Variants in KRI1 observed in about 807,000 individuals in gnomAD.
The protein encoded by KRI1 is protein KRI1 homolog.
A neutral mutation model predicts 97.0 loss-of-function variants in KRI1; 83 were observed. That is an observed-to-expected ratio of 0.86 (90% CI 0.72 to 1.03). The LOEUF (loss-of-function observed/expected upper bound fraction) is 1.03, where lower values mean the gene tolerates loss of function less well. Ranked by LOEUF, KRI1 falls within the 50% of genes least tolerant of loss-of-function variation. KRI1 has a pLI of 0.00. For missense variants in KRI1, 916 were observed against 928.4 expected, an observed-to-expected ratio of 0.99 and a Z score of 0.17; for synonymous variants, 371 against 363.5, an observed-to-expected ratio of 1.02 and a Z score of -0.23.
chr19:10,560,952 G>T, intron 8 of KRI1, 51 bp downstream of exon 8: 1 of 1,377,848 alleles, frequency 7.3e-7, no homozygotes, highest in South Asian at 1.2e-5. Flanking sequence ...TAGGTTGGAT[G>T]GACGCGGAAC....
chr19:10,564,800 T>G, intron 3 of KRI1, 129 bp downstream of exon 3: 2 of 732,858 alleles, frequency 2.7e-6, no homozygotes, highest in Non-Finnish European at 4.9e-6. Flanking sequence ...GATGCTACCG[T>G]TAGATATACT....
chr19:10,565,811 G>GAC, intron 1 of KRI1, 21 bp from the exon 2 acceptor site: 2 of 1,521,398 alleles, frequency 1.3e-6, no homozygotes, highest in Non-Finnish European at 1.8e-6. Context: ...CAGACGGGAT[G>GAC]CCCCCCCCCA....
intron 3 of KRI1, 29 bp from the exon 4 acceptor site, chr19:10,562,866 C>G: frequency 7.5e-7 from 1 of 1,333,162 alleles, no homozygotes; most frequent in Non-Finnish European, 1.1e-6. Context: ...CACCTGCCAT[C>G]ACCCACAACC....
chr19:10,561,565 G>A, intron 6 of KRI1, 102 bp downstream of exon 6: 1 of 1,141,206 alleles, frequency 8.8e-7, no homozygotes. Flanking sequence ...TGAGGAAACT[G>A]AAGCACATAG....
intron 16 of KRI1, among the ~76,000 whole-genome samples, chr19:10,557,154 G>A (rs1916527398): frequency 6.7e-6 from 1 of 150,160 alleles, no homozygotes; most frequent in South Asian, 2.1e-4. Context: ...ACCTAGGCTG[G>A]AGTGCAGTGG....
At chr19:10,554,632 A>T (rs774762784) in intron 18 of KRI1, among the ~76,000 whole-genome samples, 2 of 152,056 alleles carry the variant, frequency 1.3e-5, no homozygotes, top group Non-Finnish European at 2.9e-5. Flanking sequence ...TGCAGCCTCC[A>T]ACTCCTGGGC....
At chr19:10,554,654 T>C (rs550606434) in intron 18 of KRI1, among the ~76,000 whole-genome samples, 46 of 152,232 alleles carry the variant, frequency 3.0e-4, no homozygotes, top group African/African-American at 1.1e-3. Flanking sequence ...CAAGCGATCT[T>C]CTCGCTTGAG....
intron 9 of KRI1, 119 bp from the exon 10 acceptor site, chr19:10,560,055 G>A (rs750964793): frequency 4.6e-6 from 6 of 1,300,672 alleles, no homozygotes; most frequent in Admixed American, 4.9e-5. Context: ...ACCCTACAAG[G>A]TGCACGCTGC....
Position 10,553,249 on chromosome 19 carries a change from C to T in KRI1, c.*702G>A. The T allele has an allele frequency of 2.6e-6, 2 of 768,768 alleles. No individual in the cohort carries two copies. Among genetic ancestry groups the T allele is most frequent in the Non-Finnish European group, 3.9e-6 (2 of 511,732 alleles). 47.6% of individuals were successfully genotyped at this position (768,768 alleles called of 1,614,324 possible). On this transcript the variant is annotated 3_prime_UTR_variant, in exon 19 of 19. Coordinates refer to ENST00000312962, the MANE Select transcript of KRI1 (RefSeq NM_023008.5). ...GAGCCCACAGAGCCCATACACCTGTCTCCCACCAGCGGGGCCCTCCTGGCA... is the reference window on the plus strand; with the variant it reads ...GAGCCCACAGAGCCCATACACCTGTTTCCCACCAGCGGGGCCCTCCTGGCA...
At position 10,553,622 on chromosome 19, in the gene KRI1, C is replaced by G; in HGVS notation, c.*329G>C. The stretch of plus-strand genomic sequence containing the variant: ...ACAGGGTCTTGCTTTGTTGCCCAGG[C>G]TGGAGTGCAGTGGTGCAATCATAGC... On this transcript the variant is annotated 3_prime_UTR_variant, in exon 19 of 19. Coordinates refer to ENST00000312962, the MANE Select transcript of KRI1 (RefSeq NM_023008.5). 1 of 241,860 alleles carries G rather than the reference C, an allele frequency of 4.1e-6. No individual in the cohort carries two copies. Among genetic ancestry groups the G allele is most frequent in the African/African-American group, 2.3e-5 (1 of 43,944 alleles). 15.0% of individuals were successfully genotyped at this position (241,860 alleles called of 1,614,324 possible). A position where few individuals can be genotyped will look rare whatever the true frequency, so the allele number is the denominator to read the frequency against.
In KRI1 at chr19:10,557,663, C is replaced by T. The variant is rs895149985; in HGVS notation, c.1506G>A (p.Glu502=). 1 of 1,614,192 alleles carries T rather than the reference C, an allele frequency of 6.2e-7. No homozygotes were observed. Among genetic ancestry groups the T allele is most frequent in the East Asian group, 2.2e-5 (1 of 44,884 alleles). Reference sequence around the variant, plus strand: ...CCAGCCGGTAATACTCATCCAGGTACTCCTCGAACGTCTTGTCCCCTGCTC... The same window carrying T: ...CCAGCCGGTAATACTCATCCAGGTATTCCTCGAACGTCTTGTCCCCTGCTC... ...VFEPGDKTFE[E]YLDEYYRLDY... Residue 502 remains glutamate, a synonymous_variant, in exon 16 of 19, where the codon GAG becomes GAA. Transcript: ENST00000312962.
chr19:10,565,812 C>CCT lies in KRI1; in HGVS notation c.95-23_95-22insAG, dbSNP rs1555750198. 3.9e-6 allele frequency: 5 copies of CCT among 1,276,478 alleles called. No individual in the cohort carries two copies. In the South Asian group the frequency reaches 6.5e-5, roughly 17 times the overall value. 79.1% of individuals were successfully genotyped at this position (1,276,478 alleles called of 1,614,324 possible). A position where few individuals can be genotyped will look rare whatever the true frequency, so the allele number is the denominator to read the frequency against. On this transcript the variant is annotated intron_variant, in intron 1 of 18. Transcript: ENST00000312962. ...TTCACTGCGGGACACAGACGGGATGCCCCCCCCCAGGTCAGCCGGCGGGGC... is the reference window on the plus strand; with the variant it reads ...TTCACTGCGGGACACAGACGGGATGCCTCCCCCCCCAGGTCAGCCGGCGGGGC...
chr19:10,556,797 GC>G (rs915811806), intron 16 of KRI1, among the ~76,000 whole-genome samples: 17 of 151,570 alleles, frequency 1.1e-4, no homozygotes, highest in African/African-American at 3.9e-4. Flanking sequence ...TTCGAGACCA[GC>G]CTGCACAACA....
rs748347964 is a variant in KRI1, at chr19:10,559,935, C to A, written c.802G>T (p.Val268Phe). ...DEEEMEEEEG[V>F]HGPPVQLAVD... ...GCCAGCTGGACTGGGGGACCGTGGA[C>A]CCTGAGGGGCAAGATGTGGTGATGC... The change falls in exon 10 of 19, where the codon GTC becomes TTC. Residue 268 changes from valine (V) to phenylalanine (F), a missense_variant and splice_region_variant. Val to Phe is a conservative substitution (Grantham distance 50, BLOSUM62 -1). Around this residue, in one of 3 missense-constraint regions of KRI1, gnomAD observed 672 missense variants for 667.2 expected, o/e 1.01. Coordinates refer to ENST00000312962, the MANE Select transcript of KRI1 (RefSeq NM_023008.5). 1.2e-6 allele frequency: 2 copies of A among 1,610,508 alleles called. No individual in the cohort carries two copies. Among genetic ancestry groups the A allele is most frequent in the Admixed American group, 1.7e-5 (1 of 59,992 alleles).
In KRI1 at chr19:10,564,962, A is replaced by T; in HGVS notation, c.241T>A (p.Tyr81Asn). 6.8e-6 allele frequency: 11 copies of T among 1,613,786 alleles called. No homozygotes were observed. Among genetic ancestry groups the T allele is most frequent in the Non-Finnish European group, 9.3e-6 (11 of 1,179,730 alleles). The change falls in exon 3 of 19, where the codon TAT becomes AAT. Residue 81 changes from tyrosine (Y) to asparagine (N), a missense_variant. Tyr to Asn is a moderately radical substitution (Grantham distance 143, BLOSUM62 -2). Around this residue, in one of 3 missense-constraint regions of KRI1, gnomAD observed 173 missense variants for 153.1 expected, o/e 1.13. Coordinates refer to ENST00000312962, the MANE Select transcript of KRI1 (RefSeq NM_023008.5). ...TTATAGAAGGTGGCATCTTTCTGAT[A>T]AATGCGGGGGTCCTTCTTCTTCAAC... ...SLLKKKDPRI[Y>N]QKDATFYNRT...
At chr19:10,554,972 C>T in intron 18 of KRI1, 115 bp downstream of exon 18, 3 of 802,120 alleles carry the variant, frequency 3.7e-6, no homozygotes, top group Non-Finnish European at 5.9e-6. Flanking sequence ...ACCCAGGTCT[C>T]AGAGCGGGGG....
At chr19:10,554,702 C>T (rs1305399282) in intron 18 of KRI1, among the ~76,000 whole-genome samples, 1 of 152,218 alleles carries the variant, frequency 6.6e-6, no homozygotes, top group East Asian at 1.9e-4. Context: ...GGAGCACACA[C>T]CTGGCCTCAT....
chr19:10,565,312 G>A, intron 2 of KRI1: 1 of 550,786 alleles, frequency 1.8e-6, no homozygotes, highest in Non-Finnish European at 3.2e-6. Flanking sequence ...GTGGGCTGAG[G>A]GCACAAGAGA....
Position 10,559,471 on chromosome 19 carries a change from A to G in KRI1, c.1082T>C (p.Ile361Thr). The G allele has an allele frequency of 6.2e-7, 1 of 1,613,678 alleles. No individual in the cohort carries two copies. The highest frequency in any genetic ancestry group is 8.5e-7 in the Non-Finnish European group (1 of 1,179,924). The change falls in exon 12 of 19, where the codon ATT becomes ACT. Residue 361 changes from isoleucine to threonine, a missense_variant. Physicochemically the swap from Ile to Thr is moderately conservative, Grantham distance 89 (BLOSUM62 -1). This residue lies in a region of KRI1 where 672 missense variants were observed against 667.2 expected (regional missense o/e 1.01). Transcript: ENST00000312962. ...KQLKNLKRKE[I>T]LAKLEKLRKV... ...CCGCAGCTTCTCCAGCTTGGCCAGAATCTCCTTCCTCTTCAGGTTCTTCAG... is the reference window on the plus strand; with the variant it reads ...CCGCAGCTTCTCCAGCTTGGCCAGAGTCTCCTTCCTCTTCAGGTTCTTCAG...
Sources: gnomAD v4.1 joint callset for allele counts (sites outside exome capture counted in the v4.1 genomes callset) on GRCh38, gnomAD v4.1.1 for gene constraint, gnomAD v4.1.1 regional missense constraint, MANE v1.5 for transcripts, NCBI Gene and HGNC (gene_info 2026-07-23, HGNC 2026-07-21) for gene names.